Variants in CIB1 observed in about 807,000 individuals in gnomAD.
CIB1 encodes the protein calcium and integrin-binding protein 1.
Under a neutral mutation model 25.0 loss-of-function variants are expected in CIB1, and 19 were observed. That is an observed-to-expected ratio of 0.76 (90% CI 0.53 to 1.12). CIB1 has a LOEUF of 1.12. Ranked by LOEUF, CIB1 falls within the 50% of genes most tolerant of loss-of-function variation. CIB1 has a pLI of 0.00. For missense variants in CIB1, 236 were observed against 242.6 expected, an observed-to-expected ratio of 0.97 and a Z score of 0.18; for synonymous variants, 104 against 98.5, an observed-to-expected ratio of 1.06 and a Z score of -0.33.
chr15:90,249,756 C>T, the CIB1 span: 1 of 152,194 alleles, frequency 6.6e-6, no homozygotes, highest in African/African-American at 2.4e-5. Flanking sequence ...GAGTCCATCC[C>T]CAGGCGGCTA....
At chr15:90,242,425 C>CTCTTTTT in the CIB1 span, 1 of 100,584 alleles carries the variant, frequency 9.9e-6, no homozygotes, top group African/African-American at 3.6e-5. Context: ...GGATTCTTTT[C>CTCTTTTT]TGTTTCTTTT....
At chr15:90,246,631 T>G in the CIB1 span, among the ~76,000 whole-genome samples, 12 of 148,948 alleles carry the variant, frequency 8.1e-5, no homozygotes, top group African/African-American at 3.0e-4. Context: ...TCTCTGAAAA[T>G]ACAAAAATTA....
chr15:90,253,934 G>C, the CIB1 span, among the ~76,000 whole-genome samples: 2 of 152,238 alleles, frequency 1.3e-5, no homozygotes, highest in Non-Finnish European at 2.9e-5. Context: ...CAGGCAGGAA[G>C]TTGAGGAAAT....
At chr15:90,257,190 C>T in the CIB1 span, 1 of 1,614,018 alleles carries the variant, frequency 6.2e-7, no homozygotes, top group African/African-American at 1.3e-5. Flanking sequence ...GTCCTGATCA[C>T]ATCCTGTGAC....
chr15:90,240,804 A>T, the CIB1 span: 1 of 753,794 alleles, frequency 1.3e-6, no homozygotes, highest in Non-Finnish European at 2.1e-6. Context: ...ACAGAGTGAG[A>T]CTCCATCTCA....
chr15:90,250,027 G>T, the CIB1 span, among the ~76,000 whole-genome samples: 2 of 150,918 alleles, frequency 1.3e-5, no homozygotes, highest in Non-Finnish European at 3.0e-5. Flanking sequence ...GTGTGATCTC[G>T]GCTCACTGCA....
upstream of CIB1, chr15:90,234,041 C>G (rs1033110667): frequency 2.3e-6 from 2 of 863,286 alleles, no homozygotes; most frequent in Middle Eastern, 3.6e-4. Context: ...GCCAGGCGTT[C>G]CCAGCCGGGT....
chr15:90,230,785 G>A (rs1353342827), intron 6 of CIB1, 149 bp downstream of exon 6: 7 of 774,074 alleles, frequency 9.0e-6, no homozygotes, highest in African/African-American at 6.8e-5. Flanking sequence ...GCCCCTGCCC[G>A]GGGCGAGACT....
the CIB1 span, chr15:90,257,366 T>C: frequency 1.3e-6 from 2 of 1,508,138 alleles, no homozygotes; most frequent in Non-Finnish European, 1.8e-6. Context: ...GGTTTGTCAC[T>C]GTCACCAAAG....
chr15:90,238,780 A>G (rs1005091147), upstream of CIB1, among the ~76,000 whole-genome samples: 1 of 152,198 alleles, frequency 6.6e-6, no homozygotes, highest in Non-Finnish European at 1.5e-5. Flanking sequence ...CCCACAAAAG[A>G]AGTGGTCATC....
the CIB1 span, among the ~76,000 whole-genome samples, chr15:90,260,975 C>T: frequency 1.3e-5 from 2 of 152,086 alleles, no homozygotes; most frequent in African/African-American, 4.8e-5. Flanking sequence ...CAGATTCATG[C>T]TCATAATCAA....
At chr15:90,265,695 A>G in the CIB1 span, 12 of 1,612,864 alleles carry the variant, frequency 7.4e-6, no homozygotes, top group East Asian at 6.7e-5. Context: ...CGACTGCTGA[A>G]GGCTGGTTTG....
At chr15:90,241,124 GC>G in the CIB1 span, 2 of 1,614,192 alleles carry the variant, frequency 1.2e-6, no homozygotes, top group African/African-American at 2.7e-5. Flanking sequence ...AGCGGGTGGA[GC>G]TGGGGCTGTT....
At chr15:90,256,522 C>T in the CIB1 span, among the ~76,000 whole-genome samples, 1 of 152,176 alleles carries the variant, frequency 6.6e-6, no homozygotes, top group Non-Finnish European at 1.5e-5. Flanking sequence ...CTTACCCTCT[C>T]TCTGTGCCTC....
At chr15:90,256,405 A>G in the CIB1 span, 39 of 1,371,342 alleles carry the variant, frequency 2.8e-5, no homozygotes, top group African/African-American at 5.4e-4. Flanking sequence ...TACCCTTCCC[A>G]CTAGCCCCGT....
upstream of CIB1, chr15:90,233,969 C>T (rs1468087215): frequency 2.2e-6 from 3 of 1,393,806 alleles, no homozygotes; most frequent in African/African-American, 4.5e-5. Flanking sequence ...GCGTCACTGC[C>T]CGGTCCCCGC....
chr15:90,230,493 A>C lies in CIB1; in HGVS notation c.567T>G (p.Ile189Met), dbSNP rs911373072. Reference protein sequence around the residue: ...RSPDFASSFKIVL With the variant: ...RSPDFASSFKMVL ...CACGCTGGGGCTGCTGTCACAGGACAATCTTAAAGGAGCTGAACAAGAGAA... is the reference window on the plus strand; with the variant it reads ...CACGCTGGGGCTGCTGTCACAGGACCATCTTAAAGGAGCTGAACAAGAGAA... Residue 189 changes from isoleucine (I) to methionine (M), a missense_variant, in exon 7 of 7, where the codon ATT becomes ATG. Coordinates refer to ENST00000328649, the MANE Select transcript of CIB1 (RefSeq NM_006384.4). 1.3e-6 allele frequency: 2 copies of C among 1,551,648 alleles called. No individual in the cohort carries two copies. Among genetic ancestry groups the C allele is most frequent in the Non-Finnish European group, 1.7e-6 (2 of 1,146,980 alleles).
Position 90,232,340 on chromosome 15 carries a change from G to A in CIB1, c.87-13C>T, listed in dbSNP as rs200217485. The A allele has an allele frequency of 5.6e-5, 89 of 1,593,970 alleles. No individual in the cohort carries two copies. In the East Asian group the frequency reaches 1.8e-3, roughly 32 times the overall value. The stretch of plus-strand genomic sequence containing the variant: ...CCGCCTGTGGGCTCTGGTAGAGAGA[G>A]GGGAACTGTCGGTGTTCTCAGCGAT... On this transcript the variant is annotated splice_polypyrimidine_tract_variant and intron_variant, in intron 2 of 6. Transcript: ENST00000328649.
chr15:90,256,646 T>G, the CIB1 span, among the ~76,000 whole-genome samples: 1 of 138,474 alleles, frequency 7.2e-6, no homozygotes, highest in East Asian at 2.5e-4. Flanking sequence ...TCCTTCTTTC[T>G]TTCTCCCTTT....
Sources: gnomAD v4.1 joint callset for allele counts (sites outside exome capture counted in the v4.1 genomes callset) on GRCh38, gnomAD v4.1.1 for gene constraint, MANE v1.5 for transcripts, NCBI Gene and HGNC (gene_info 2026-07-23, HGNC 2026-07-21) for gene names.